Variants in NOSTRIN observed in about 807,000 individuals in gnomAD.
NOSTRIN encodes nitric oxide synthase trafficking.
NOSTRIN carries 63 observed loss-of-function variants against 59.0 expected under a neutral mutation model. The observed-to-expected ratio is 1.07, with a 90% confidence interval of 0.87 to 1.32. The LOEUF is 1.32. Ranked by LOEUF, NOSTRIN falls within the 40% of genes most tolerant of loss-of-function variation. NOSTRIN has a pLI of 0.00. For missense variants in NOSTRIN, 512 were observed against 473.1 expected, an observed-to-expected ratio of 1.08 and a Z score of -0.76; for synonymous variants, 200 against 165.4, an observed-to-expected ratio of 1.21 and a Z score of -1.61.
chr2:168,858,835 A>G (rs1443398719), intron 12 of NOSTRIN, among the ~76,000 whole-genome samples: 1 of 151,756 alleles, frequency 6.6e-6, no homozygotes, highest in Non-Finnish European at 1.5e-5. Flanking sequence ...GATAAGCAAG[A>G]CCCTTCCAAT....
At chr2:168,809,441 G>A (rs1253055631) in intron 1 of NOSTRIN, among the ~76,000 whole-genome samples, 1 of 152,158 alleles carries the variant, frequency 6.6e-6, no homozygotes, top group Non-Finnish European at 1.5e-5. Flanking sequence ...TCAGGAGTAT[G>A]TACCCCACTA....
chr2:168,792,870 C>T (rs991706811), intron 2 of NOSTRIN, among the ~76,000 whole-genome samples: 1 of 152,156 alleles, frequency 6.6e-6, no homozygotes, highest in Non-Finnish European at 1.5e-5. Flanking sequence ...TATGTATACT[C>T]TGCTGTGAAA....
Position 168,865,423 on chromosome 2 carries a change from T to G in NOSTRIN, c.*453T>G, listed in dbSNP as rs1689807687. On this transcript the variant is annotated 3_prime_UTR_variant, in exon 16 of 16. Coordinates refer to ENST00000317647, the MANE Select transcript of NOSTRIN (RefSeq NM_001039724.4). Reference sequence around the variant, plus strand: ...TGGGAGATGAGGAACACAGATCAATTCCAAGAAGAGAGACAGGCAATCAAG... The same window carrying G: ...TGGGAGATGAGGAACACAGATCAATGCCAAGAAGAGAGACAGGCAATCAAG... 6.5e-6 allele frequency: 1 copy of G among 154,920 alleles called. No homozygotes were observed. The highest frequency in any genetic ancestry group is 2.4e-5 in the African/African-American group (1 of 41,402). 9.6% of individuals were successfully genotyped at this position (154,920 alleles called of 1,614,324 possible).
At chr2:168,804,658 T>C (rs1327486823) in intron 1 of NOSTRIN, among the ~76,000 whole-genome samples, 4 of 152,196 alleles carry the variant, frequency 2.6e-5, no homozygotes, top group South Asian at 2.1e-4. Flanking sequence ...TCCCTAGAGT[T>C]GCACAGAGCA....
At chr2:168,791,117 T>G (rs1019170444) in intron 2 of NOSTRIN, among the ~76,000 whole-genome samples, 1 of 152,192 alleles carries the variant, frequency 6.6e-6, no homozygotes, top group African/African-American at 2.4e-5. Flanking sequence ...ACATTAGGTA[T>G]ATCTCCTAAT....
Position 168,786,695 on chromosome 2 carries a change from TGGCCAGCTTGGCCCTCC to T in NOSTRIN, c.-661+60_-661+76del, listed in dbSNP as rs1559094542. 5.9e-5 allele frequency: 9 copies of T among 152,260 alleles called. No homozygotes were observed. In the East Asian group the frequency reaches 1.7e-3, roughly 30 times the overall value. 9.4% of individuals were successfully genotyped at this position (152,260 alleles called of 1,614,324 possible). A position where few individuals can be genotyped will look rare whatever the true frequency, so the allele number is the denominator to read the frequency against. ...CAAGCCAGCCACTTGATCCCTCAAG[TGGCCAGCTTGGCCCTCC>T]TCGAAGTGTACTTTACTTCCTTTCG... On this transcript the variant is annotated intron_variant, in intron 1 of 20. Transcript: ENST00000458381.
intron 8 of NOSTRIN, among the ~76,000 whole-genome samples, chr2:168,844,802 A>G (rs1197684474): frequency 4.6e-5 from 7 of 151,864 alleles, no homozygotes; most frequent in Non-Finnish European, 7.4e-5. Flanking sequence ...CCCGGGAGGC[A>G]GAGCTTGCAG....
intron 1 of NOSTRIN, among the ~76,000 whole-genome samples, chr2:168,806,182 C>T (rs971736198): frequency 6.6e-6 from 1 of 151,890 alleles, no homozygotes; most frequent in African/African-American, 2.4e-5. Context: ...CAGTGCCTGG[C>T]GTAGTAAAGG....
chr2:168,865,090 T>C lies in NOSTRIN; in HGVS notation c.*120T>C. On this transcript the variant is annotated 3_prime_UTR_variant, in exon 16 of 16. Transcript: ENST00000317647. Reference sequence around the variant, plus strand: ...CTTTTGAAATGGATGGAGTTCTACCTGCATGTCACAGCACTTTGCATTCAT... The same window carrying C: ...CTTTTGAAATGGATGGAGTTCTACCCGCATGTCACAGCACTTTGCATTCAT... The C allele has an allele frequency of 9.6e-7, 1 of 1,044,056 alleles. No individual in the cohort carries two copies. Among genetic ancestry groups the C allele is most frequent in the Non-Finnish European group, 1.4e-6 (1 of 722,534 alleles). 64.7% of individuals were successfully genotyped at this position (1,044,056 alleles called of 1,614,324 possible). A position where few individuals can be genotyped will look rare whatever the true frequency, so the allele number is the denominator to read the frequency against.
chr2:168,791,595 T>C (rs1285792772), intron 2 of NOSTRIN, among the ~76,000 whole-genome samples: 1 of 152,206 alleles, frequency 6.6e-6, no homozygotes, highest in Non-Finnish European at 1.5e-5. Flanking sequence ...TGAACTAGTT[T>C]ACAGTCCCAC....
chr2:168,824,788 G>GTTTGTTTGTTTT lies in NOSTRIN; in HGVS notation c.197+74_197+75insGTTTGTTTTTTT. The GTTTGTTTGTTTT allele has an allele frequency of 7.6e-6, 6 of 784,472 alleles. No individual in the cohort carries two copies. In the Admixed American group the frequency reaches 9.5e-5, roughly 12 times the overall value. The allele number at this position is 784,472 out of a possible 1,614,324, so 48.6% of individuals were successfully genotyped here. On this transcript the variant is annotated intron_variant, in intron 3 of 15. Coordinates refer to ENST00000317647, the MANE Select transcript of NOSTRIN (RefSeq NM_001039724.4). ...TTGTTTTTTGTTTGTTTGTTTGTTTGTTTTTTGAGACAGGGTCTTGCTCTG... is the reference window on the plus strand; with the variant it reads ...TTGTTTTTTGTTTGTTTGTTTGTTTGTTTGTTTGTTTTTTTTTTGAGACAGGGTCTTGCTCTG...
intron 10 of NOSTRIN, 43 bp from the exon 11 acceptor site, chr2:168,855,309 T>A: frequency 2.9e-6 from 3 of 1,045,464 alleles, no homozygotes; most frequent in Non-Finnish European, 4.3e-6. Flanking sequence ...ATAGCAACTC[T>A]TACTTCTTCC....
chr2:168,856,155 CA>C, intron 11 of NOSTRIN: 1 of 222,750 alleles, frequency 4.5e-6, no homozygotes. Context: ...GGAAAAATAA[CA>C]ATCAAGATGC....
intron 7 of NOSTRIN, among the ~76,000 whole-genome samples, chr2:168,838,683 C>T (rs367985736): frequency 2.6e-5 from 4 of 152,218 alleles, no homozygotes; most frequent in East Asian, 3.9e-4. Flanking sequence ...ATCTATTCCC[C>T]ATGTACAAGC....
chr2:168,847,823 T>A (rs3845728), intron 8 of NOSTRIN, among the ~76,000 whole-genome samples: 1,580 of 152,294 alleles, frequency 0.01, 19 homozygotes, highest in Non-Finnish European at 0.018. Context: ...TAGATATGGA[T>A]CTCTCCTTTG....
intron 7 of NOSTRIN, among the ~76,000 whole-genome samples, chr2:168,841,798 A>G (rs189273280): frequency 3.9e-5 from 6 of 152,366 alleles, no homozygotes; most frequent in Non-Finnish European, 8.8e-5. Context: ...TTTATGTGAC[A>G]TGGGAGCCTT....
chr2:168,825,149 C>T (rs1253736113), intron 3 of NOSTRIN, among the ~76,000 whole-genome samples: 1 of 152,222 alleles, frequency 6.6e-6, no homozygotes, highest in Admixed American at 6.5e-5. Context: ...GCATGGCTTC[C>T]AGTTCTTGGG....
At chr2:168,836,904 T>C (rs36083800) in intron 7 of NOSTRIN, among the ~76,000 whole-genome samples, 93,112 of 152,042 alleles carry the variant, frequency 0.61, 29,529 homozygotes, top group African/African-American at 0.77. Context: ...CCCTGTCTTA[T>C]AGTCTGTTCA....
At chr2:168,812,414 G>A (rs1390804475) in intron 2 of NOSTRIN, among the ~76,000 whole-genome samples, 1 of 152,090 alleles carries the variant, frequency 6.6e-6, no homozygotes, top group Non-Finnish European at 1.5e-5. Flanking sequence ...GTAGGTTGTA[G>A]GGGAGAAAAC....
Sources: gnomAD v4.1 joint callset for allele counts (sites outside exome capture counted in the v4.1 genomes callset) on GRCh38, gnomAD v4.1.1 for gene constraint, MANE v1.5 for transcripts, NCBI Gene and HGNC (gene_info 2026-07-23, HGNC 2026-07-21) for gene names.